Variants in CLVS1 observed in about 807,000 individuals in gnomAD.
The protein encoded by CLVS1 is clavesin-1.
In CLVS1, 10 loss-of-function variants were observed where a neutral mutation model predicts 33.1. The observed-to-expected ratio is 0.30, with a 90% confidence interval of 0.19 to 0.51. CLVS1 has a LOEUF of 0.51. Ranked by LOEUF, CLVS1 falls within the 20% of genes least tolerant of loss-of-function variation. CLVS1 has a pLI of 0.97. For missense variants in CLVS1, 343 were observed against 433.4 expected, an observed-to-expected ratio of 0.79 and a Z score of 1.85; for synonymous variants, 163 against 166.1, an observed-to-expected ratio of 0.98 and a Z score of 0.14.
At chr8:61,382,143 C>T (rs939740780) in intron 3 of CLVS1, among the ~76,000 whole-genome samples, 14 of 152,070 alleles carry the variant, frequency 9.2e-5, no homozygotes, top group East Asian at 1.9e-4. Context: ...AAGATTAGAA[C>T]GATGAAAAGT....
At chr8:61,250,992 C>T (rs538202473) in intron 2 of CLVS1, among the ~76,000 whole-genome samples, 2 of 152,240 alleles carry the variant, frequency 1.3e-5, no homozygotes, top group South Asian at 4.1e-4. Flanking sequence ...TGTCTTGTGC[C>T]AGTTTTCAAA....
intron 1 of CLVS1, chr8:61,090,996 A>C: frequency 2.2e-6 from 1 of 453,870 alleles, no homozygotes; most frequent in Non-Finnish European, 4.4e-6. Context: ...ATGCCCCCCC[A>C]CCAATACATT....
At chr8:61,185,997 G>A (rs542318719) in intron 2 of CLVS1, among the ~76,000 whole-genome samples, 2 of 152,174 alleles carry the variant, frequency 1.3e-5, no homozygotes, top group Admixed American at 6.5e-5. Context: ...TTCTGTATAC[G>A]CCATGGAGAT....
At chr8:61,112,226 A>AC in intron 1 of CLVS1, among the ~76,000 whole-genome samples, 1 of 151,578 alleles carries the variant, frequency 6.6e-6, no homozygotes, top group African/African-American at 2.4e-5. Flanking sequence ...ACACGCACAG[A>AC]GACAGAGAGA....
rs551981601 is a variant in CLVS1, at chr8:61,169,965, A to G, written c.-152+38105A>G. ...TACTTCTCATGCTTCCTAATGATAC[A>G]GAAGCTACTTATTATTGTGGTACTT... is the stretch of plus-strand genomic sequence containing the variant. On this transcript the variant is annotated intron_variant, in intron 2 of 2. Coordinates refer to the CLVS1 transcript ENST00000522621. Among the ~76,000 whole-genome samples, 52 of 152,346 alleles carry G rather than the reference A, an allele frequency of 3.4e-4. 1 individual carries two copies. The highest frequency in any genetic ancestry group is 1.2e-3 in the African/African-American group (50 of 41,578).
At chr8:61,292,260 A>G in intron 1 of CLVS1, 1 of 444,164 alleles carries the variant, frequency 2.3e-6, no homozygotes. Flanking sequence ...AGTTATAAAA[A>G]TAGCCTCTTT....
intron 2 of CLVS1, among the ~76,000 whole-genome samples, chr8:61,207,119 G>A (rs981915331): frequency 1.1e-4 from 16 of 152,128 alleles, no homozygotes; most frequent in Admixed American, 3.3e-4. Flanking sequence ...CCTTAGCATC[G>A]CAAATATTAA....
intron 2 of CLVS1, among the ~76,000 whole-genome samples, chr8:61,163,347 T>C (rs1307537528): frequency 3.9e-5 from 6 of 152,192 alleles, no homozygotes; most frequent in African/African-American, 1.4e-4. Flanking sequence ...AAAAATTACA[T>C]CCTAGTCTTT....
intron 1 of CLVS1, among the ~76,000 whole-genome samples, chr8:61,110,721 G>T (rs558353642): frequency 1.3e-5 from 2 of 152,056 alleles, no homozygotes; most frequent in South Asian, 4.2e-4. Context: ...CTACCCCCTG[G>T]CAACCACCAC....
chr8:61,422,241 A>G (rs570158661), intron 3 of CLVS1, among the ~76,000 whole-genome samples: 1 of 152,314 alleles, frequency 6.6e-6, no homozygotes, highest in African/African-American at 2.4e-5. Flanking sequence ...GGGCATATAC[A>G]TACATGTGTG....
chr8:61,422,035 A>G (rs982239084), intron 3 of CLVS1, among the ~76,000 whole-genome samples: 1 of 152,206 alleles, frequency 6.6e-6, no homozygotes, highest in Non-Finnish European at 1.5e-5. Flanking sequence ...CTTGCTTGGA[A>G]AATAGTGTGA....
chr8:61,042,896 C>T, the CLVS1 span, among the ~76,000 whole-genome samples: 2 of 152,218 alleles, frequency 1.3e-5, no homozygotes, highest in African/African-American at 4.8e-5. Context: ...GATTCTGCAA[C>T]ACTGAGGCAA....
chr8:61,460,879 T>C (rs1384191764), intron 5 of CLVS1, among the ~76,000 whole-genome samples: 1 of 152,238 alleles, frequency 6.6e-6, no homozygotes, highest in African/African-American at 2.4e-5. Flanking sequence ...GTAAAACCGT[T>C]TCATCTCCTA....
intron 1 of CLVS1, among the ~76,000 whole-genome samples, chr8:61,089,144 A>G (rs1370935626): frequency 1.3e-5 from 2 of 152,106 alleles, no homozygotes; most frequent in Admixed American, 6.6e-5. Context: ...TTAACATGCT[A>G]TCTCATTGTG....
At chr8:61,012,903 A>G in the CLVS1 span, among the ~76,000 whole-genome samples, 1 of 152,122 alleles carries the variant, frequency 6.6e-6, no homozygotes, top group Non-Finnish European at 1.5e-5. Context: ...TTTCCTGCAG[A>G]CTGCTGTGCT....
At chr8:61,014,085 GTTTTTTTT>G in the CLVS1 span, among the ~76,000 whole-genome samples, 4 of 126,818 alleles carry the variant, frequency 3.2e-5, no homozygotes, top group East Asian at 2.3e-4. Context: ...ACTTTTTAGT[GTTTTTTTT>G]TTTTTTTTTT....
the CLVS1 span, among the ~76,000 whole-genome samples, chr8:61,040,272 C>T: frequency 4.6e-5 from 7 of 152,162 alleles, no homozygotes; most frequent in East Asian, 3.9e-4. Context: ...GATTGCATAT[C>T]TTTGCAATTG....
the CLVS1 span, among the ~76,000 whole-genome samples, chr8:61,034,113 C>A: frequency 6.6e-6 from 1 of 152,128 alleles, no homozygotes; most frequent in East Asian, 1.9e-4. Context: ...GCCCGCAGCT[C>A]CAGGCCTCAG....
chr8:61,118,943 C>G (rs934544703), intron 1 of CLVS1, among the ~76,000 whole-genome samples: 1 of 151,866 alleles, frequency 6.6e-6, no homozygotes, highest in Non-Finnish European at 1.5e-5. Context: ...CTTTCTGTCT[C>G]GTTGATCTGT....
Sources: allele counts gnomAD v4.1 joint callset (sites outside exome capture counted in the v4.1 genomes callset), GRCh38; gene constraint gnomAD v4.1.1; transcripts MANE v1.5; gene names NCBI Gene and HGNC (gene_info 2026-07-23, HGNC 2026-07-21).